Variants in DTNBP1 observed in about 807,000 individuals in gnomAD.
DTNBP1 encodes the protein dystrobrevin binding protein 1.
A neutral mutation model predicts 42.8 loss-of-function variants in DTNBP1; 35 were observed. The observed-to-expected ratio is 0.82, with a 90% confidence interval of 0.63 to 1.09. The LOEUF is 1.09. Among genes scored for constraint, DTNBP1 ranks in the 50% least tolerant of loss-of-function variants. DTNBP1 has a pLI of 0.00. For missense variants in DTNBP1, 457 were observed against 424.2 expected (o/e 1.08, Z -0.68); for synonymous variants, 171 against 162.2 (o/e 1.05, Z -0.41).
intron 4 of DTNBP1, among the ~76,000 whole-genome samples, chr6:15,629,530 A>G (rs1260769790): frequency 6.6e-6 from 1 of 151,004 alleles, no homozygotes; most frequent in Non-Finnish European, 1.5e-5. Context: ...TAGAAAAACT[A>G]TATCAGAAAA....
chr6:15,576,486 G>T (rs941910530), intron 7 of DTNBP1, among the ~76,000 whole-genome samples: 9 of 149,910 alleles, frequency 6.0e-5, no homozygotes, highest in African/African-American at 2.0e-4. Flanking sequence ...AATAATAAAT[G>T]TATTTTAGGC....
chr6:15,623,207 T>C (rs1039105418), intron 5 of DTNBP1, among the ~76,000 whole-genome samples: 1 of 152,224 alleles, frequency 6.6e-6, no homozygotes, highest in Non-Finnish European at 1.5e-5. Flanking sequence ...CCTGGACATC[T>C]GATAATCTAG....
chr6:15,602,859 C>T (rs2113660373), intron 6 of DTNBP1, among the ~76,000 whole-genome samples: 1 of 152,314 alleles, frequency 6.6e-6, no homozygotes, highest in Non-Finnish European at 1.5e-5. Context: ...CCCAGCGTGT[C>T]ATTTGCATAA....
At chr6:15,540,939 G>A (rs1256442772) in intron 7 of DTNBP1, among the ~76,000 whole-genome samples, 1 of 152,144 alleles carries the variant, frequency 6.6e-6, no homozygotes, top group African/African-American at 2.4e-5. Context: ...AATGTGCCTG[G>A]CCTTAAAATG....
chr6:15,572,849 A>C (rs561601156), intron 7 of DTNBP1, among the ~76,000 whole-genome samples: 87 of 152,274 alleles, frequency 5.7e-4, no homozygotes, highest in African/African-American at 2.0e-3. Context: ...CTCCCACCTC[A>C]GCCTCTGGAG....
intron 7 of DTNBP1, among the ~76,000 whole-genome samples, chr6:15,554,726 T>A (rs1016943475): frequency 1.4e-4 from 21 of 152,124 alleles, no homozygotes; most frequent in Admixed American, 3.9e-4. Flanking sequence ...CAACGGAGCT[T>A]CATGCTCCTT....
intron 3 of DTNBP1, among the ~76,000 whole-genome samples, chr6:15,638,106 T>C (rs1432377378): frequency 2.0e-5 from 3 of 152,156 alleles, no homozygotes; most frequent in Non-Finnish European, 4.4e-5. Context: ...AGAAAAACTC[T>C]TCCTTATAAT....
At chr6:15,644,464 T>A (rs996862509) in intron 3 of DTNBP1, among the ~76,000 whole-genome samples, 19 of 152,106 alleles carry the variant, frequency 1.2e-4, no homozygotes, top group Admixed American at 7.2e-4. Flanking sequence ...TCCACCTAAC[T>A]ACCACAGAAT....
intron 8 of DTNBP1, among the ~76,000 whole-genome samples, chr6:15,526,526 GAT>G (rs1772408610): frequency 1.3e-5 from 2 of 152,124 alleles, no homozygotes. Flanking sequence ...TGGTTTAGAT[GAT>G]CCCATGCTTG....
At chr6:15,627,266 G>T in intron 5 of DTNBP1, 77 bp downstream of exon 5, 1 of 1,573,734 alleles carries the variant, frequency 6.4e-7, no homozygotes, top group South Asian at 1.1e-5. Context: ...TTCCTGAAAA[G>T]CTCTGAAATT....
At chr6:15,642,652 C>G (rs1037330119) in intron 3 of DTNBP1, among the ~76,000 whole-genome samples, 1 of 152,194 alleles carries the variant, frequency 6.6e-6, no homozygotes, top group African/African-American at 2.4e-5. Context: ...GTTCTTAGAG[C>G]CAATACATCA....
intron 5 of DTNBP1, among the ~76,000 whole-genome samples, chr6:15,623,298 A>T (rs888591512): frequency 2.6e-5 from 4 of 152,196 alleles, no homozygotes; most frequent in African/African-American, 9.7e-5. Context: ...GCAAAATAAT[A>T]CTGTATCAGG....
intron 5 of DTNBP1, among the ~76,000 whole-genome samples, chr6:15,616,998 A>G (rs1245364365): frequency 1.3e-5 from 2 of 152,218 alleles, no homozygotes; most frequent in African/African-American, 2.4e-5. Flanking sequence ...GCAGGGGGGA[A>G]GAAATCAAGA....
chr6:15,558,273 CTT>C (rs58029295), intron 7 of DTNBP1, among the ~76,000 whole-genome samples: 32 of 136,482 alleles, frequency 2.3e-4, no homozygotes, highest in African/African-American at 3.0e-4. Flanking sequence ...GATGAGTACT[CTT>C]TTTTTTTTTT....
At chr6:15,557,543 G>A (rs865959213) in intron 7 of DTNBP1, among the ~76,000 whole-genome samples, 4 of 152,102 alleles carry the variant, frequency 2.6e-5, no homozygotes, top group African/African-American at 7.2e-5. Flanking sequence ...TGGTCAAACT[G>A]ATTAAGACTG....
rs919877091 is a variant in DTNBP1 at position 15,587,865 on chromosome 6, T to G, written c.511+5194A>C. 6.6e-6 allele frequency among the ~76,000 whole-genome samples: 1 copy of G among 152,190 alleles called. No homozygotes were observed. Among genetic ancestry groups the G allele is most frequent in the African/African-American group, 2.4e-5 (1 of 41,454 alleles). ...AGTGTTGTCAAGGATGAGGAGAAAC[T>G]GCAGCCCTCACACACTGCTGATAGG... On this transcript the variant is annotated intron_variant, in intron 7 of 9. Coordinates refer to ENST00000344537, the MANE Select transcript of DTNBP1 (RefSeq NM_032122.5). The surrounding 1 kb of genome is among the most constrained non-coding windows in gnomAD (Gnocchi z 4.1).
intron 7 of DTNBP1, among the ~76,000 whole-genome samples, chr6:15,541,163 C>A (rs933588649): frequency 1.3e-5 from 2 of 152,190 alleles, no homozygotes; most frequent in East Asian, 3.9e-4. Context: ...TGAAAAAGCA[C>A]AAAGCGGGCA....
At chr6:15,540,514 A>C (rs1271166613) in intron 7 of DTNBP1, among the ~76,000 whole-genome samples, 1 of 152,210 alleles carries the variant, frequency 6.6e-6, no homozygotes, top group Admixed American at 6.5e-5. Flanking sequence ...TCTGCTTTAA[A>C]AGTTTGATTC....
intron 6 of DTNBP1, among the ~76,000 whole-genome samples, chr6:15,602,192 A>C (rs910418726): frequency 6.6e-6 from 1 of 152,226 alleles, no homozygotes; most frequent in African/African-American, 2.4e-5. Context: ...GACTAGTAAT[A>C]GTAAAAGGCA....
Sources: allele counts gnomAD v4.1 joint callset (sites outside exome capture counted in the v4.1 genomes callset), GRCh38; gene constraint gnomAD v4.1.1; non-coding constraint Gnocchi (gnomAD v3.1); transcripts MANE v1.5; gene names NCBI Gene and HGNC (gene_info 2026-07-23, HGNC 2026-07-21).